Variants in EPHB1 observed in about 807,000 individuals in gnomAD.
The protein encoded by EPHB1 is ephrin type-B receptor 1.
A neutral mutation model predicts 94.4 loss-of-function variants in EPHB1; 30 were observed. The ratio of observed to expected loss-of-function variants is 0.32; its 90% CI spans 0.24 to 0.43. The LOEUF (loss-of-function observed/expected upper bound fraction) is 0.43. Among genes scored for constraint, EPHB1 ranks in the 20% least tolerant of loss-of-function variants. EPHB1 has a pLI of 1.00. For missense variants in EPHB1, 1,055 were observed against 1,308.3 expected, an observed-to-expected ratio of 0.81 and a Z score of 2.99; for synonymous variants, 522 against 489.1, an observed-to-expected ratio of 1.07 and a Z score of -0.89.
chr3:135,174,384 T>C (rs957875907), intron 9 of EPHB1, among the ~76,000 whole-genome samples: 1 of 152,152 alleles, frequency 6.6e-6, no homozygotes, highest in Non-Finnish European at 1.5e-5. Flanking sequence ...GGCTCCTCTT[T>C]TTCCAGTGCA....
rs532302761 is a variant in EPHB1 at position 135,247,867 on chromosome 3, A to C, written c.2497-449A>C. Among the ~76,000 whole-genome samples the C allele has an allele frequency of 1.7e-3, 266 of 152,314 alleles. 2 individuals carry two copies. The highest frequency in any genetic ancestry group is 6.0e-3 in the African/African-American group (248 of 41,564). On this transcript the variant is annotated intron_variant, in intron 13 of 15. Transcript: ENST00000398015. The stretch of plus-strand genomic sequence containing the variant: ...TTTCTCTTCTCTTCCAAATGAAAGA[A>C]TGAGTCCACCACAAGTTTTGAGGAC...
intron 6 of EPHB1, among the ~76,000 whole-genome samples, chr3:135,158,911 A>G (rs1941432874): frequency 6.6e-6 from 1 of 152,136 alleles, no homozygotes; most frequent in African/African-American, 2.4e-5. Flanking sequence ...GGTAATTTCT[A>G]CCTTTCAAAT....
At chr3:134,871,799 TG>T (rs1406566538) in intron 1 of EPHB1, among the ~76,000 whole-genome samples, 1 of 152,208 alleles carries the variant, frequency 6.6e-6, no homozygotes, top group Non-Finnish European at 1.5e-5. Flanking sequence ...TATGTCCAAA[TG>T]GGCGCTGCTC....
intron 12 of EPHB1, among the ~76,000 whole-genome samples, chr3:135,231,196 C>T (rs1943522670): frequency 6.6e-6 from 1 of 152,176 alleles, no homozygotes; most frequent in South Asian, 2.1e-4. Context: ...TTATTTAGCC[C>T]TTGTCTCTCC....
intron 3 of EPHB1, among the ~76,000 whole-genome samples, chr3:135,102,934 C>G (rs1471911294): frequency 2.0e-5 from 3 of 152,014 alleles, no homozygotes; most frequent in Non-Finnish European, 4.4e-5. Flanking sequence ...AATGAGAACA[C>G]ATGGACACAG....
At chr3:134,923,864 G>C (rs1226253917) in intron 1 of EPHB1, among the ~76,000 whole-genome samples, 1 of 152,156 alleles carries the variant, frequency 6.6e-6, no homozygotes, top group Non-Finnish European at 1.5e-5. Flanking sequence ...TTATGGGAAG[G>C]GGAGGCAGTG....
chr3:134,805,692 C>T (rs1268386877), intron 1 of EPHB1, among the ~76,000 whole-genome samples: 6 of 152,304 alleles, frequency 3.9e-5, no homozygotes, highest in South Asian at 2.1e-4. Context: ...TCATCTGTCC[C>T]GTGTGCCTCT....
chr3:135,128,180 G>A (rs1457041028), intron 4 of EPHB1, among the ~76,000 whole-genome samples: 2 of 152,196 alleles, frequency 1.3e-5, no homozygotes, highest in South Asian at 2.1e-4. Flanking sequence ...GAAGGAGATG[G>A]CAGATTTTCT....
intron 3 of EPHB1, among the ~76,000 whole-genome samples, chr3:134,997,362 G>T (rs1308739488): frequency 6.6e-6 from 1 of 152,046 alleles, no homozygotes; most frequent in African/African-American, 2.4e-5. Flanking sequence ...ATTTTTCCTG[G>T]TGAGCTCATC....
chr3:134,830,233 T>C (rs2036557640), intron 1 of EPHB1, among the ~76,000 whole-genome samples: 1 of 152,238 alleles, frequency 6.6e-6, no homozygotes, highest in African/African-American at 2.4e-5. Context: ...CATTTACTCC[T>C]AATTACTTCA....
chr3:135,104,114 C>T (rs553283059), intron 3 of EPHB1, among the ~76,000 whole-genome samples: 1 of 152,330 alleles, frequency 6.6e-6, no homozygotes, highest in East Asian at 1.9e-4. Context: ...ACCCCTCCCC[C>T]ACTCTCCAGA....
chr3:134,846,123 C>T (rs1403029481), intron 1 of EPHB1, among the ~76,000 whole-genome samples: 1 of 152,216 alleles, frequency 6.6e-6, no homozygotes, highest in Admixed American at 6.5e-5. Flanking sequence ...CACTGCCTCT[C>T]CTTGGAGGCC....
At chr3:135,110,119 C>A (rs1368501029) in intron 4 of EPHB1, among the ~76,000 whole-genome samples, 1 of 152,124 alleles carries the variant, frequency 6.6e-6, no homozygotes, top group African/African-American at 2.4e-5. Context: ...AAAATTGCTG[C>A]CTGTGAAAAA....
At position 135,166,092 on chromosome 3, in the gene EPHB1, T is replaced by C; in HGVS notation, c.1694+16T>C. 1 of 1,593,398 alleles carries C rather than the reference T, an allele frequency of 6.3e-7. No individual in the cohort carries two copies. Among genetic ancestry groups the C allele is most frequent in the Non-Finnish European group, 8.6e-7 (1 of 1,161,364 alleles). On this transcript the variant is annotated intron_variant, in intron 8 of 15. Transcript: ENST00000398015. ...TCTGTAGCAGGTAGGTCCTCCACTC[T>C]CACTTGCTCTCCTTGGACCCAGGAA...
At chr3:135,012,267 C>A (rs1396817983) in intron 3 of EPHB1, among the ~76,000 whole-genome samples, 1 of 152,224 alleles carries the variant, frequency 6.6e-6, no homozygotes, top group African/African-American at 2.4e-5. Flanking sequence ...ATCAACATTG[C>A]AGCTTGGTGT....
intron 1 of EPHB1, among the ~76,000 whole-genome samples, chr3:134,896,870 G>A (rs980962295): frequency 6.6e-5 from 10 of 152,222 alleles, no homozygotes; most frequent in African/African-American, 1.7e-4. Context: ...GGAGGTTGGC[G>A]AAGGGTGAGC....
At chr3:134,818,401 T>A (rs968507638) in intron 1 of EPHB1, among the ~76,000 whole-genome samples, 1 of 152,206 alleles carries the variant, frequency 6.6e-6, no homozygotes, top group African/African-American at 2.4e-5. Flanking sequence ...CATAAGTAAT[T>A]GGGGTACAGG....
intron 6 of EPHB1, among the ~76,000 whole-genome samples, chr3:135,159,716 C>T (rs1941455711): frequency 6.6e-6 from 1 of 152,162 alleles, no homozygotes; most frequent in Non-Finnish European, 1.5e-5. Flanking sequence ...TCTCCCAGGG[C>T]CCAGTAGACA....
intron 6 of EPHB1, 36 bp from the exon 7 acceptor site, chr3:135,161,982 A>G: frequency 6.3e-7 from 1 of 1,577,554 alleles, no homozygotes; most frequent in Non-Finnish European, 8.6e-7. Flanking sequence ...AGCCTTCAGG[A>G]ATGGGATAGT....
Sources: gnomAD v4.1 joint callset for allele counts (sites outside exome capture counted in the v4.1 genomes callset) on GRCh38, gnomAD v4.1.1 for gene constraint, MANE v1.5 for transcripts, NCBI Gene and HGNC (gene_info 2026-07-23, HGNC 2026-07-21) for gene names.